Variants in MYO5B observed in about 807,000 individuals in gnomAD.
MYO5B encodes the protein myosin VB, also known as unconventional myosin-Vb.
In MYO5B, 143 loss-of-function variants were observed where a neutral mutation model predicts 229.3. That is an observed-to-expected ratio of 0.62 (90% confidence interval 0.54 to 0.72). The LOEUF is 0.72. Among genes scored for constraint, MYO5B ranks in the 30% least tolerant of loss-of-function variants. MYO5B has a pLI of 0.00. For missense variants in MYO5B, 2,321 were observed against 2,331.0 expected, an observed-to-expected ratio of 1.00 and a Z score of 0.09; for synonymous variants, 918 against 885.2, an observed-to-expected ratio of 1.04 and a Z score of -0.66.
At chr18:49,909,427 C>T (rs934841061) in intron 18 of MYO5B, among the ~76,000 whole-genome samples, 2 of 152,216 alleles carry the variant, frequency 1.3e-5, no homozygotes, top group African/African-American at 2.4e-5. Flanking sequence ...TTTATATCAG[C>T]TTTCTGTGCC....
At chr18:50,028,768 G>A (rs543498754) in intron 4 of MYO5B, among the ~76,000 whole-genome samples, 32 of 152,318 alleles carry the variant, frequency 2.1e-4, no homozygotes, top group African/African-American at 7.0e-4. Context: ...AATTTCCACC[G>A]GGTGACGCAG....
In MYO5B at chr18:50,040,803, G is replaced by T. The variant is rs185102826; in HGVS notation, c.139-489C>A. 2.1e-3 allele frequency among the ~76,000 whole-genome samples: 323 copies of T among 152,252 alleles called. 1 individual carries two copies. The highest frequency in any genetic ancestry group is 7.5e-3 in the African/African-American group (312 of 41,550). On this transcript the variant is annotated intron_variant, in intron 2 of 39. Transcript: ENST00000285039. ...TATATTTCTCCCCAACTAACTGCAC[G>T]TTCTTCTAGGGCAGTAATTTTGCTT... is the stretch of plus-strand genomic sequence containing the variant.
At chr18:49,955,907 T>C (rs779698208) in intron 12 of MYO5B, among the ~76,000 whole-genome samples, 39 of 152,208 alleles carry the variant, frequency 2.6e-4, no homozygotes, top group Non-Finnish European at 4.4e-4. Flanking sequence ...CTAGAAGGAC[T>C]GGCAAAACTG....
intron 29 of MYO5B, among the ~76,000 whole-genome samples, chr18:49,859,504 C>A (rs1274515053): frequency 6.6e-6 from 1 of 152,192 alleles, no homozygotes; most frequent in Non-Finnish European, 1.5e-5. Context: ...AGCCTAACTT[C>A]TTTAGTTCAT....
intron 20 of MYO5B, 46 bp from the exon 21 acceptor site, chr18:49,902,879 A>T (rs1253917701): frequency 6.3e-7 from 1 of 1,592,422 alleles, no homozygotes; most frequent in Admixed American, 1.7e-5. Context: ...GCACTGCAGG[A>T]CAGGAGTGAA....
At chr18:50,182,784 C>T (rs568789422) in intron 1 of MYO5B, among the ~76,000 whole-genome samples, 11 of 152,152 alleles carry the variant, frequency 7.2e-5, no homozygotes, top group South Asian at 2.1e-4. Context: ...AGGAAGGTGG[C>T]TCCTTGGTGA....
chr18:50,103,703 T>TGCAC (rs2031698405), intron 1 of MYO5B, among the ~76,000 whole-genome samples: 1 of 152,094 alleles, frequency 6.6e-6, no homozygotes, highest in African/African-American at 2.4e-5. Context: ...ATTATACCAC[T>TGCAC]GCACTCCAGC....
intron 22 of MYO5B, among the ~76,000 whole-genome samples, chr18:49,894,018 G>T (rs1293915798): frequency 6.6e-6 from 1 of 152,200 alleles, no homozygotes; most frequent in Admixed American, 6.5e-5. Context: ...ACACACAGAT[G>T]AGGGAACTAA....
At chr18:50,189,402 C>G (rs901694294) in intron 1 of MYO5B, among the ~76,000 whole-genome samples, 1 of 152,228 alleles carries the variant, frequency 6.6e-6, no homozygotes, top group Non-Finnish European at 1.5e-5. Context: ...ATGGGTCATA[C>G]TTTAGAGCTG....
rs562533959 is a variant in MYO5B, at chr18:50,137,861, G to A, written c.27+56906C>T. On this transcript the variant is annotated intron_variant, in intron 1 of 39. Transcript: ENST00000285039. ...GATGAAGCTGGACGCCATTATCCCTGGCAAAAAAAATGCAGGAACAGAAAA... is the reference window on the plus strand; with the variant it reads ...GATGAAGCTGGACGCCATTATCCCTAGCAAAAAAAATGCAGGAACAGAAAA... Among the ~76,000 whole-genome samples the A allele has an allele frequency of 7.0e-4, 5 of 7,148 alleles. No homozygotes were observed. The East Asian group carries it at 0.4, about 572-fold the overall frequency. 4.7% of individuals were successfully genotyped at this position (7,148 alleles called of 152,430 possible).
intron 5 of MYO5B, among the ~76,000 whole-genome samples, chr18:49,994,110 G>A (rs1018372722): frequency 2.6e-5 from 4 of 152,106 alleles, no homozygotes; most frequent in East Asian, 1.9e-4. Context: ...CATCGATGTC[G>A]CTTCTTCAGG....
chr18:50,170,294 A>C (rs2032906175), intron 1 of MYO5B, among the ~76,000 whole-genome samples: 1 of 126,984 alleles, frequency 7.9e-6, no homozygotes, highest in African/African-American at 3.0e-5. Context: ...CAGGTTTTCA[A>C]GTTTTCCATC....
At chr18:49,929,632 A>G in intron 16 of MYO5B, 34 bp from the exon 17 acceptor site, 3 of 1,535,406 alleles carry the variant, frequency 2.0e-6, no homozygotes. Context: ...AAAAAGCAAG[A>G]CAAGAGATGA....
chr18:50,156,232 C>T (rs1056310889), intron 1 of MYO5B, among the ~76,000 whole-genome samples: 6 of 152,242 alleles, frequency 3.9e-5, no homozygotes, highest in African/African-American at 1.2e-4. Flanking sequence ...ATGCCATTTT[C>T]ATCTACAGAA....
chr18:50,071,071 G>A (rs1315651890), intron 1 of MYO5B, among the ~76,000 whole-genome samples: 3 of 152,128 alleles, frequency 2.0e-5, no homozygotes, highest in South Asian at 2.1e-4. Context: ...CCATCCTCCC[G>A]CCTTGGCCTC....
intron 17 of MYO5B, among the ~76,000 whole-genome samples, chr18:49,920,933 A>C (rs759757020): frequency 3.3e-5 from 5 of 152,320 alleles, no homozygotes; most frequent in Non-Finnish European, 7.3e-5. Flanking sequence ...GATCTCACAC[A>C]AAAGAGCCAG....
intron 11 of MYO5B, 37 bp downstream of exon 11, chr18:49,962,912 C>T: frequency 6.4e-7 from 1 of 1,567,462 alleles, no homozygotes; most frequent in Non-Finnish European, 8.8e-7. Flanking sequence ...GGAGTCCCCC[C>T]AATCCTGGTA....
chr18:50,010,719 T>C (rs1223016679), intron 4 of MYO5B, among the ~76,000 whole-genome samples: 4 of 152,244 alleles, frequency 2.6e-5, no homozygotes, highest in Admixed American at 2.6e-4. Flanking sequence ...TCTAATGTTG[T>C]CATTAGCTAG....
rs886053879 is a variant in MYO5B at position 49,902,817 on chromosome 18, T to C, written c.2588A>G (p.Lys863Arg). Residue 863 changes from lysine to arginine, a missense_variant, in exon 21 of 40, where the codon AAG becomes AGG. Transcript: ENST00000285039. The part of the protein sequence containing the change: ...RTYRQVLMEH[K>R]ATTIQKHVRG... The stretch of plus-strand genomic sequence containing the variant: ...CACGTGCTTCTGGATGGTGGTGGCC[T>C]TGTGCTCCATGAGGACCTGGCGGGA... The C allele has an allele frequency of 1.2e-6, 2 of 1,600,698 alleles. No individual in the cohort carries two copies. The highest frequency in any genetic ancestry group is 1.7e-4 in the Middle Eastern group (1 of 6,060).
Sources: gnomAD v4.1 joint callset for allele counts (sites outside exome capture counted in the v4.1 genomes callset) on GRCh38, gnomAD v4.1.1 for gene constraint, MANE v1.5 for transcripts, NCBI Gene and HGNC (gene_info 2026-07-23, HGNC 2026-07-21) for gene names.